TSPEAR: variants seen among roughly 807,000 people sequenced by gnomAD.
TSPEAR encodes thrombospondin-type laminin G domain and EAR repeat-containing protein.
TSPEAR carries 69 observed loss-of-function variants against 71.6 expected under a neutral mutation model. The ratio of observed to expected loss-of-function variants is 0.96; its 90% CI spans 0.79 to 1.18. TSPEAR has a LOEUF of 1.18. Ranked by LOEUF, TSPEAR falls within the 50% of genes most tolerant of loss-of-function variation. The pLI is 0.00. For synonymous variants in TSPEAR, 402 were observed against 387.2 expected, an observed-to-expected ratio of 1.04 and a Z score of -0.45; for missense variants, 971 against 894.9, an observed-to-expected ratio of 1.09 and a Z score of -1.09.
chr21:44,515,833 A>G (rs1266810945), intron 9 of TSPEAR: 5 of 152,182 alleles, frequency 3.3e-5, no homozygotes, highest in Non-Finnish European at 7.3e-5. Context: ...TCCAGTCCCG[A>G]CGTCATTTCA....
intron 1 of TSPEAR, among the ~76,000 whole-genome samples, chr21:44,650,505 G>C (rs587742659): frequency 1.7e-3 from 263 of 152,388 alleles, no homozygotes; most frequent in African/African-American, 6.0e-3. Context: ...CAATGCCCCT[G>C]CAGGCCAAGG....
chr21:44,556,601 AGAATCCCTT>A (rs1428055611), intron 2 of TSPEAR, among the ~76,000 whole-genome samples: 5 of 152,194 alleles, frequency 3.3e-5, no homozygotes, highest in African/African-American at 1.2e-4. Flanking sequence ...GAGAGGCAGG[AGAATCCCTT>A]GAATCTGGGA....
chr21:44,511,510 ATC>A (rs2145928039), intron 9 of TSPEAR, among the ~76,000 whole-genome samples: 1 of 152,340 alleles, frequency 6.6e-6, no homozygotes, highest in Admixed American at 6.5e-5. Flanking sequence ...GCAACCATGC[ATC>A]TGTGTCCATG....
intron 1 of TSPEAR, among the ~76,000 whole-genome samples, chr21:44,587,687 A>T (rs1050665005): frequency 6.6e-6 from 1 of 152,242 alleles, no homozygotes; most frequent in South Asian, 2.1e-4. Flanking sequence ...ACATAGACCA[A>T]TGGAACAGAA....
chr21:44,637,374 C>A (rs782762285), intron 1 of TSPEAR: 4 of 1,578,630 alleles, frequency 2.5e-6, no homozygotes, highest in Non-Finnish European at 3.4e-6. Context: ...CACACACTCA[C>A]TCACTCACAC....
intron 1 of TSPEAR, chr21:44,697,616 C>G: frequency 6.2e-7 from 1 of 1,614,072 alleles, no homozygotes; most frequent in Non-Finnish European, 8.5e-7. Flanking sequence ...TAGCTGCCAG[C>G]CAGCTTGCTG....
chr21:44,558,072 G>A lies in TSPEAR; in HGVS notation c.303+9713C>T, dbSNP rs373197908. Reference sequence around the variant, plus strand: ...CCGTCAGCAGCTGGACTTCTGGCCTGAGGAGAGGCCGCAGCACGCGGAAGA... The same window carrying A: ...CCGTCAGCAGCTGGACTTCTGGCCTAAGGAGAGGCCGCAGCACGCGGAAGA... On this transcript the variant is annotated intron_variant, in intron 2 of 11. Transcript: ENST00000323084. 69 of 1,610,078 alleles carry A rather than the reference G, an allele frequency of 4.3e-5. No homozygotes were observed. Among genetic ancestry groups the A allele is most frequent in the Middle Eastern group, 3.3e-4 (2 of 6,070 alleles).
chr21:44,660,892 G>A lies in TSPEAR; in HGVS notation c.82+50541C>T, dbSNP rs184919114. 2.2e-3 allele frequency among the ~76,000 whole-genome samples: 341 copies of A among 151,884 alleles called. 3 individuals are homozygous for A. The highest frequency in any genetic ancestry group is 7.5e-3 in the African/African-American group (309 of 41,406). ...TGAGGCAGGAGAATTGCTTGAACCC[G>A]GGAGGCAGAGGTTGCAGTGAGCCAA... On this transcript the variant is annotated intron_variant, in intron 1 of 11. Transcript: ENST00000323084.
intron 1 of TSPEAR, among the ~76,000 whole-genome samples, chr21:44,674,420 T>C (rs1185938715): frequency 1.3e-5 from 2 of 151,848 alleles, no homozygotes; most frequent in Non-Finnish European, 2.9e-5. Flanking sequence ...ACCATGGAAA[T>C]ACAAAAGATC....
chr21:44,516,180 C>T (rs1259968888), intron 9 of TSPEAR: 3 of 152,316 alleles, frequency 2.0e-5, no homozygotes, highest in South Asian at 2.1e-4. Flanking sequence ...CTTTCCAAAA[C>T]AGGAAAACAA....
intron 1 of TSPEAR, among the ~76,000 whole-genome samples, chr21:44,645,358 CTTT>C (rs34384761): frequency 1.8e-4 from 23 of 130,820 alleles, no homozygotes; most frequent in South Asian, 2.5e-4. Flanking sequence ...GGCCACTTAG[CTTT>C]TTTTTTTTTT....
Position 44,504,809 on chromosome 21 carries a change from A to AC in TSPEAR, c.1826dup (p.Thr610TyrfsTer84). The AC allele has an allele frequency of 6.2e-7, 1 of 1,613,812 alleles. No individual in the cohort carries two copies. Among genetic ancestry groups the AC allele is most frequent in the Non-Finnish European group, 8.5e-7 (1 of 1,179,852 alleles). Reference sequence around the variant, plus strand: ...AAATAATACTGTTCACCGAGAAGGTACGCCCATCGAAGGAGTTGGCCACCA... The same window carrying AC: ...AAATAATACTGTTCACCGAGAAGGTACCGCCCATCGAAGGAGTTGGCCACCA... On this transcript the variant is annotated frameshift_variant, in exon 11 of 12. Coordinates refer to ENST00000323084, the MANE Select transcript of TSPEAR (RefSeq NM_144991.3). LOFTEE classifies it high-confidence loss of function.
At position 44,593,064 on chromosome 21, in the gene TSPEAR, C is replaced by T. The variant is rs587621546; in HGVS notation, c.83-25059G>A. Among the ~76,000 whole-genome samples, 4 of 152,322 alleles carry T rather than the reference C, an allele frequency of 2.6e-5. No homozygotes were observed. In the South Asian group the frequency reaches 6.2e-4, roughly 24 times the overall value. ...CTCATCCCCACAGCCTCTTCACCTC[C>T]GGCCCTGTTTCGTGTCCACCTCGTC... On this transcript the variant is annotated intron_variant, in intron 1 of 11. Coordinates refer to ENST00000323084, the MANE Select transcript of TSPEAR (RefSeq NM_144991.3). The surrounding 1 kb of genome is among the most constrained non-coding windows in gnomAD (Gnocchi z 5.9).
At chr21:44,611,228 C>T (rs1217823827) in intron 1 of TSPEAR, among the ~76,000 whole-genome samples, 2 of 152,076 alleles carry the variant, frequency 1.3e-5, no homozygotes, top group African/African-American at 4.8e-5. Context: ...TGTCCTTACC[C>T]AAATCTCGAC....
In TSPEAR at chr21:44,509,192, C is replaced by T. The variant is rs200711828; in HGVS notation, c.1754+7G>A. 65 of 1,612,196 alleles carry T rather than the reference C, an allele frequency of 4.0e-5. No individual in the cohort carries two copies. The East Asian group carries it at 8.5e-4, about 21-fold the overall frequency. On this transcript the variant is annotated splice_region_variant and intron_variant, in intron 10 of 11. Coordinates refer to ENST00000323084, the MANE Select transcript of TSPEAR (RefSeq NM_144991.3). ...CCCACCTCCCACTGGCCTGTGGAGG[C>T]GCATACCTGCAGGTGAGAATGTCCT...
chr21:44,687,188 G>A lies in TSPEAR; in HGVS notation c.82+24245C>T, dbSNP rs963489208. Among the ~76,000 whole-genome samples, 29 of 152,212 alleles carry A rather than the reference G, an allele frequency of 1.9e-4. No individual in the cohort carries two copies. The highest frequency in any genetic ancestry group is 6.3e-4 in the African/African-American group (26 of 41,442). ...TTCCCCCAGCACGCGTTTCCCCAGA[G>A]GCTGGATTGGGGCCACTGAGGCGGT... is the stretch of plus-strand genomic sequence containing the variant. On this transcript the variant is annotated intron_variant, in intron 1 of 11. Coordinates refer to ENST00000323084, the MANE Select transcript of TSPEAR (RefSeq NM_144991.3). The surrounding 1 kb of genome is among the most constrained non-coding windows in gnomAD (Gnocchi z 4.4).
intron 1 of TSPEAR, among the ~76,000 whole-genome samples, chr21:44,629,296 G>T (rs192424999): frequency 6.6e-6 from 1 of 152,184 alleles, no homozygotes; most frequent in Admixed American, 6.5e-5. Context: ...CGGACTGGGG[G>T]CTCGAGCCAC....
chr21:44,527,155 T>TCG, intron 7 of TSPEAR, 137 bp downstream of exon 7: 1 of 804,808 alleles, frequency 1.2e-6, no homozygotes, highest in South Asian at 1.7e-5. Flanking sequence ...TGCGACTCTG[T>TCG]CAGCCTTTTA....
intron 1 of TSPEAR, among the ~76,000 whole-genome samples, chr21:44,594,396 G>C (rs781907310): frequency 2.1e-4 from 32 of 152,202 alleles, no homozygotes; most frequent in Non-Finnish European, 3.7e-4. Flanking sequence ...AACTGGGCGA[G>C]GGACCTGCAC....
Sources: allele counts gnomAD v4.1 joint callset (sites outside exome capture counted in the v4.1 genomes callset), GRCh38; gene constraint gnomAD v4.1.1; non-coding constraint Gnocchi (gnomAD v3.1); transcripts MANE v1.5; gene names NCBI Gene and HGNC (gene_info 2026-07-23, HGNC 2026-07-21).